DPP6: variants seen among roughly 807,000 people sequenced by gnomAD.
The protein encoded by DPP6 is A-type potassium channel modulatory protein DPP6.
DPP6 carries 69 observed loss-of-function variants against 122.6 expected under a neutral mutation model. That is an observed-to-expected ratio of 0.56 (90% CI 0.46 to 0.69). DPP6 has a LOEUF of 0.69. Ranked by LOEUF, DPP6 falls within the 30% of genes least tolerant of loss-of-function variation. DPP6 has a pLI of 0.00. For missense variants in DPP6, 928 were observed against 1,116.9 expected (o/e 0.83, Z 2.41); for synonymous variants, 418 against 433.1 (o/e 0.97, Z 0.43).
intron 16 of DPP6, among the ~76,000 whole-genome samples, chr7:154,823,155 A>AT (rs1238242400): frequency 2.6e-5 from 4 of 152,070 alleles, no homozygotes; most frequent in South Asian, 2.1e-4. Context: ...TTAAGACATT[A>AT]TTTTTTTTGC....
chr7:154,769,513 A>C lies in DPP6; in HGVS notation c.980A>C (p.Glu327Ala), dbSNP rs1158988063. 1 of 1,613,230 alleles carries C rather than the reference A, an allele frequency of 6.2e-7. No homozygotes were observed. ...AINDSRVPIM[E>A]LPTYTGSIYP... ...AATGATTCCCGTGTCCCCATCATGG[A>C]GCTCCCAACTTACACCGGCTCCATC... Residue 327 changes from glutamate (E) to alanine (A), a missense_variant, in exon 9 of 26, where the codon GAG (glutamate) becomes GCG (alanine). Physicochemically the swap from Glu to Ala is moderately radical, Grantham distance 107. Coordinates refer to ENST00000377770, the MANE Select transcript of DPP6 (RefSeq NM_130797.4).
chr7:154,835,341 C>T (rs775447229), intron 16 of DPP6, among the ~76,000 whole-genome samples: 2 of 152,244 alleles, frequency 1.3e-5, no homozygotes, highest in East Asian at 1.9e-4. Context: ...AAAGAGCTGC[C>T]GCCCTGCCCC....
intron 1 of DPP6, among the ~76,000 whole-genome samples, chr7:153,936,849 C>G (rs1384775445): frequency 6.6e-6 from 1 of 152,108 alleles, no homozygotes; most frequent in Admixed American, 6.5e-5. Flanking sequence ...GACGCGTGAC[C>G]CTTCAGTACT....
intron 1 of DPP6, among the ~76,000 whole-genome samples, chr7:154,169,723 AAG>A (rs1355743741): frequency 1.3e-5 from 2 of 152,092 alleles, no homozygotes; most frequent in Non-Finnish European, 2.9e-5. Context: ...TAATAAGTAA[AAG>A]AGCCAAAATT....
rs564682115 is a variant in DPP6, at chr7:154,483,851, C to T, written c.457+8814C>T. ...CTGGGATTACAGGTGCACACCATCA[C>T]GCCTAGCTAATTTTTGTATTTTTAG... is the stretch of plus-strand genomic sequence containing the variant. On this transcript the variant is annotated intron_variant, in intron 3 of 25. Transcript: ENST00000377770. The surrounding 1 kb of genome is among the most constrained non-coding windows in gnomAD (Gnocchi z 8.1). 2.6e-5 allele frequency among the ~76,000 whole-genome samples: 4 copies of T among 152,256 alleles called. No individual in the cohort carries two copies. In the East Asian group the frequency reaches 7.7e-4, roughly 29 times the overall value.
intron 5 of DPP6, among the ~76,000 whole-genome samples, chr7:154,571,975 G>A (rs1159382124): frequency 2.0e-5 from 3 of 152,068 alleles, no homozygotes; most frequent in Non-Finnish European, 4.4e-5. Context: ...GGTGACATCC[G>A]GGCTGCAGTT....
chr7:154,888,674 C>A lies in DPP6; in HGVS notation c.2305-598C>A, dbSNP rs141357918. Among the ~76,000 whole-genome samples, 524 of 152,312 alleles carry A rather than the reference C, an allele frequency of 3.4e-3. 5 individuals are homozygous for A. The highest frequency in any genetic ancestry group is 4.0e-3 in the Non-Finnish European group (270 of 68,030). On this transcript the variant is annotated intron_variant, in intron 23 of 25. Coordinates refer to ENST00000377770, the MANE Select transcript of DPP6 (RefSeq NM_130797.4). ...TCTTCCTTTTTCCCTTCTTCTCTTC[C>A]ACCCCCTCCTCTTCCAAAAAGGGAG...
chr7:154,682,984 GTT>G (rs1457001838), intron 7 of DPP6, among the ~76,000 whole-genome samples: 1 of 151,738 alleles, frequency 6.6e-6, no homozygotes, highest in Non-Finnish European at 1.5e-5. Context: ...TTGTTGTTTT[GTT>G]TTGTTTTTTG....
intron 1 of DPP6, among the ~76,000 whole-genome samples, chr7:154,079,684 C>G (rs1394556960): frequency 1.3e-5 from 2 of 151,988 alleles, no homozygotes; most frequent in African/African-American, 4.8e-5. Context: ...TGAAATTGGG[C>G]TGGGGTTAGG....
chr7:154,096,642 T>C (rs1340602080), intron 1 of DPP6, among the ~76,000 whole-genome samples: 2 of 152,218 alleles, frequency 1.3e-5, no homozygotes, highest in African/African-American at 4.8e-5. Flanking sequence ...AGAAAATCTC[T>C]ATATTACAAC....
At chr7:154,441,209 C>T (rs1040077081) in intron 1 of DPP6, among the ~76,000 whole-genome samples, 13 of 152,130 alleles carry the variant, frequency 8.5e-5, no homozygotes, top group Non-Finnish European at 1.6e-4. Context: ...GCTCAGGATG[C>T]AACAAGAAGT....
intron 14 of DPP6, 114 bp from the exon 15 acceptor site, chr7:154,804,803 T>A (rs1798589246): frequency 4.1e-6 from 6 of 1,459,942 alleles, no homozygotes. Context: ...AGCTACTCCC[T>A]GCAGGCCATG....
intron 5 of DPP6, among the ~76,000 whole-genome samples, chr7:154,614,918 C>T (rs1160360573): frequency 6.6e-6 from 1 of 152,198 alleles, no homozygotes; most frequent in African/African-American, 2.4e-5. Flanking sequence ...CATTCACTTC[C>T]CTCATGGGAC....
intron 2 of DPP6, among the ~76,000 whole-genome samples, chr7:154,456,551 G>A (rs1057457780): frequency 2.5e-5 from 3 of 120,592 alleles, no homozygotes; most frequent in Non-Finnish European, 3.5e-5. Context: ...GGATGCGGTA[G>A]GCTAAAAAAT....
Position 154,875,663 on chromosome 7 carries a change from G to C in DPP6, c.1884-243G>C, listed in dbSNP as rs1177166737. ...GGTGGCCGTCCCAGACAGCGCCGGTGTGTGTAGGGATGGCCCTGGGTGTCC... is the reference window on the plus strand; with the variant it reads ...GGTGGCCGTCCCAGACAGCGCCGGTCTGTGTAGGGATGGCCCTGGGTGTCC... On this transcript the variant is annotated intron_variant, in intron 19 of 25. Transcript: ENST00000377770. The surrounding 1 kb of genome is among the most constrained non-coding windows in gnomAD (Gnocchi z 4.5). Among the ~76,000 whole-genome samples, 1 of 152,198 alleles carries C rather than the reference G, an allele frequency of 6.6e-6. No homozygotes were observed. The highest frequency in any genetic ancestry group is 1.5e-5 in the Non-Finnish European group (1 of 68,016).
At chr7:154,307,512 GA>G (rs1295982168) in intron 1 of DPP6, among the ~76,000 whole-genome samples, 1 of 151,026 alleles carries the variant, frequency 6.6e-6, no homozygotes, top group Admixed American at 6.6e-5. Context: ...GTATAATGAA[GA>G]GGGGAACAGC....
At chr7:154,020,001 G>T (rs953430253) in intron 1 of DPP6, among the ~76,000 whole-genome samples, 3 of 152,070 alleles carry the variant, frequency 2.0e-5, no homozygotes, top group Admixed American at 6.6e-5. Context: ...ACCCCATGCT[G>T]CCCACAGAAC....
intron 4 of DPP6, among the ~76,000 whole-genome samples, chr7:154,553,769 C>A (rs2130399882): frequency 6.6e-6 from 1 of 152,144 alleles, no homozygotes; most frequent in African/African-American, 2.4e-5. Flanking sequence ...GAGAAGGAAG[C>A]CACCGCTTCA....
chr7:154,650,403 C>G (rs529344772), intron 6 of DPP6, among the ~76,000 whole-genome samples: 1 of 152,160 alleles, frequency 6.6e-6, no homozygotes, highest in East Asian at 1.9e-4. Context: ...TAGCCTGGCT[C>G]TGGGCTGGGT....
Sources: gnomAD v4.1 joint callset for allele counts (sites outside exome capture counted in the v4.1 genomes callset) on GRCh38, gnomAD v4.1.1 for gene constraint, Gnocchi (gnomAD v3.1) non-coding constraint, MANE v1.5 for transcripts, NCBI Gene and HGNC (gene_info 2026-07-23, HGNC 2026-07-21) for gene names.